The following ZCCHC14 variants were observed in gnomAD, a reference collection of about 807,000 sequenced individuals.
The protein encoded by ZCCHC14 is zinc finger CCHC domain-containing protein 14.
Under a neutral mutation model 85.0 loss-of-function variants are expected in ZCCHC14, and 16 were observed. That is an observed-to-expected ratio of 0.19 (90% CI 0.13 to 0.29). The LOEUF (loss-of-function observed/expected upper bound fraction) is 0.29. ZCCHC14 is among the 10% of genes least tolerant of loss of function. The pLI, the probability that ZCCHC14 is intolerant of heterozygous loss-of-function variation, is 1.00. For missense variants in ZCCHC14, 1,303 were observed against 1,443.5 expected, an observed-to-expected ratio of 0.90 and a Z score of 1.58; for synonymous variants, 775 against 630.7, an observed-to-expected ratio of 1.23 and a Z score of -3.43.
At chr16:87,479,534 G>C (rs1228099120) in intron 1 of ZCCHC14, among the ~76,000 whole-genome samples, 1 of 152,078 alleles carries the variant, frequency 6.6e-6, no homozygotes, top group Non-Finnish European at 1.5e-5. Flanking sequence ...CTTCTAAAGA[G>C]TTAATCTGAT....
chr16:87,449,098 G>C (rs1457291855), intron 2 of ZCCHC14, among the ~76,000 whole-genome samples: 2 of 152,178 alleles, frequency 1.3e-5, no homozygotes, highest in Non-Finnish European at 2.9e-5. Flanking sequence ...GAACAGTCAC[G>C]GAGCATGGCC....
At chr16:87,454,163 G>C (rs1463446814) in intron 2 of ZCCHC14, among the ~76,000 whole-genome samples, 4 of 152,198 alleles carry the variant, frequency 2.6e-5, no homozygotes, top group East Asian at 1.9e-4. Context: ...CCTCAGATCT[G>C]TGGGACAAGA....
At chr16:87,460,979 C>G (rs573455962) in intron 1 of ZCCHC14, among the ~76,000 whole-genome samples, 1 of 152,204 alleles carries the variant, frequency 6.6e-6, no homozygotes, top group African/African-American at 2.4e-5. Flanking sequence ...AGTACTCACA[C>G]GTGAGAAAAT....
chr16:87,477,958 T>A (rs1166063437), intron 1 of ZCCHC14, among the ~76,000 whole-genome samples: 2 of 151,426 alleles, frequency 1.3e-5, no homozygotes, highest in Non-Finnish European at 2.9e-5. Context: ...CCTCCACACA[T>A]CGCTCCCGAG....
rs773216521 is a variant in ZCCHC14 at position 87,412,412 on chromosome 16, G to A, written c.2309C>T (p.Ala770Val). Residue 770 changes from alanine (A) to valine (V), a missense_variant, in exon 12 of 13, where the codon GCC becomes GTC. Ala to Val is a moderately conservative substitution (Grantham distance 64). Around this residue, in one of 7 missense-constraint regions of ZCCHC14, gnomAD observed 797 missense variants for 730.8 expected, o/e 1.09. Transcript: ENST00000671377. ...CAGCAGCAGTTTGATGGGCGGACGG[G>A]CGGCGTGGAGGACTGTGCTGGGCGT... is the stretch of plus-strand genomic sequence containing the variant. ...TGTPSTVLHA[A>V]RPPIKLLLSS... The A allele has an allele frequency of 1.2e-6, 2 of 1,614,196 alleles. No individual in the cohort carries two copies. Among genetic ancestry groups the A allele is most frequent in the South Asian group, 1.1e-5 (1 of 91,090 alleles).
chr16:87,459,132 C>A (rs1478781724), intron 2 of ZCCHC14, among the ~76,000 whole-genome samples: 1 of 152,194 alleles, frequency 6.6e-6, no homozygotes, highest in Non-Finnish European at 1.5e-5. Flanking sequence ...CTGAGCTGTC[C>A]ACGTGTACGT....
chr16:87,439,769 A>T (rs1472957711), intron 2 of ZCCHC14, among the ~76,000 whole-genome samples: 1 of 152,234 alleles, frequency 6.6e-6, no homozygotes, highest in Non-Finnish European at 1.5e-5. Context: ...TTAAAATGTT[A>T]CAAAGTCAAA....
rs113236892 is a variant in ZCCHC14 at position 87,433,365 on chromosome 16, G to A, written c.695-164C>T. On this transcript the variant is annotated intron_variant, in intron 2 of 12. Coordinates refer to ENST00000671377, the MANE Select transcript of ZCCHC14 (RefSeq NM_015144.3). ...CCTAGAACCAGAGCCCAGAGAGGAA[G>A]GCGGGCGGCAGCACCAATGCAGGGC... Among the ~76,000 whole-genome samples, 39 of 152,330 alleles carry A rather than the reference G, an allele frequency of 2.6e-4. 2 individuals carry two copies. Among genetic ancestry groups the A allele is most frequent in the Middle Eastern group, 3.4e-3 (1 of 294 alleles).
rs1469660474 is a variant in ZCCHC14 at position 87,489,113 on chromosome 16, A to G, written c.570+2556T>C. 3.9e-5 allele frequency among the ~76,000 whole-genome samples: 6 copies of G among 152,390 alleles called. No individual in the cohort carries two copies. The East Asian group carries it at 9.6e-4, about 24-fold the overall frequency. ...AGATTTCATCTGAGTTGCATGCTCC[A>G]AGCAATAAAGGGTTCATCAACGTCA... On this transcript the variant is annotated intron_variant, in intron 1 of 12. Transcript: ENST00000671377.
At chr16:87,460,456 G>A (rs956622574) in intron 1 of ZCCHC14, among the ~76,000 whole-genome samples, 2 of 152,232 alleles carry the variant, frequency 1.3e-5, no homozygotes, top group Non-Finnish European at 2.9e-5. Context: ...TTAGGAGGCT[G>A]ACGCAGGTGG....
Position 87,408,245 on chromosome 16 carries a change from G to A in ZCCHC14, c.*2035C>T, listed in dbSNP as rs1389268401. ...AAAAATTCCAATGTTTTTTCCTTTT[G>A]TTATGAGACGGTTTTCAACAATTTC... On this transcript the variant is annotated 3_prime_UTR_variant, in exon 13 of 13. Coordinates refer to ENST00000671377, the MANE Select transcript of ZCCHC14 (RefSeq NM_015144.3). The A allele has an allele frequency of 6.6e-6, 1 of 152,448 alleles. No homozygotes were observed. The highest frequency in any genetic ancestry group is 1.5e-5 in the Non-Finnish European group (1 of 68,000). The allele number at this position is 152,448 out of a possible 1,614,324, so 9.4% of individuals were successfully genotyped here. A position where few individuals can be genotyped will look rare whatever the true frequency, so the allele number is the denominator to read the frequency against.
chr16:87,433,097 GGA>G (rs756125707), intron 3 of ZCCHC14, 29 bp downstream of exon 3: 20 of 1,608,164 alleles, frequency 1.2e-5, no homozygotes, highest in Admixed American at 1.7e-5. Flanking sequence ...TAGCCTTCCA[GGA>G]GAGAGGGGAA....
intron 12 of ZCCHC14, among the ~76,000 whole-genome samples, chr16:87,411,121 G>T (rs1164227741): frequency 6.6e-6 from 1 of 152,240 alleles, no homozygotes; most frequent in Non-Finnish European, 1.5e-5. Flanking sequence ...GCAGGGAGGG[G>T]CAGAGGGGAC....
chr16:87,408,408 C>CT lies in ZCCHC14; in HGVS notation c.*1871dup, dbSNP rs1299443540. 4 of 152,606 alleles carry CT rather than the reference C, an allele frequency of 2.6e-5. No individual in the cohort carries two copies. The highest frequency in any genetic ancestry group is 4.4e-5 in the Non-Finnish European group (3 of 68,040). 9.5% of individuals were successfully genotyped at this position (152,606 alleles called of 1,614,324 possible). On this transcript the variant is annotated 3_prime_UTR_variant, in exon 13 of 13. Transcript: ENST00000671377. ...AAAATCGTAAACATCAATGAACACT[C>CT]TAAGTCTTCCTTAAACGTAATATGA...
intron 2 of ZCCHC14, among the ~76,000 whole-genome samples, chr16:87,444,375 T>C (rs1221587552): frequency 6.6e-6 from 1 of 152,130 alleles, no homozygotes; most frequent in Non-Finnish European, 1.5e-5. Flanking sequence ...AGCTTCAACA[T>C]CAGAGTAACG....
rs147238446 is a variant in ZCCHC14 at position 87,459,971 on chromosome 16, C to A, written c.694+37G>T. ...ATCTGGGGTGTGCCCATCCTCCGTC[C>A]GTCAGACGTCCTCCTGAAACCCGTG... On this transcript the variant is annotated intron_variant, in intron 2 of 12. Transcript: ENST00000671377. The A allele has an allele frequency of 4.4e-4, 708 of 1,613,376 alleles. 5 individuals are homozygous for A. In the East Asian group the frequency reaches 0.012, roughly 26 times the overall value.
chr16:87,465,621 G>C (rs1404165145), intron 1 of ZCCHC14, among the ~76,000 whole-genome samples: 2 of 152,192 alleles, frequency 1.3e-5, no homozygotes, highest in African/African-American at 2.4e-5. Context: ...ACAGTTTAAA[G>C]AGAGGAGGCC....
chr16:87,425,566 A>C (rs1909326828), intron 3 of ZCCHC14, among the ~76,000 whole-genome samples: 1 of 151,752 alleles, frequency 6.6e-6, no homozygotes, highest in Admixed American at 6.6e-5. Flanking sequence ...ACAAGAGCGA[A>C]ACTCTATCAA....
chr16:87,411,419 C>T (rs1359814227), intron 12 of ZCCHC14, 97 bp downstream of exon 12: 2 of 1,540,158 alleles, frequency 1.3e-6, no homozygotes, highest in African/African-American at 1.4e-5. Context: ...AAATTATTTG[C>T]TTTACAAAGA....
Sources: gnomAD v4.1 joint callset for allele counts (sites outside exome capture counted in the v4.1 genomes callset) on GRCh38, gnomAD v4.1.1 for gene constraint, gnomAD v4.1.1 regional missense constraint, MANE v1.5 for transcripts, NCBI Gene and HGNC (gene_info 2026-07-23, HGNC 2026-07-21) for gene names.